Variants in DNAJC7 observed in about 807,000 individuals in gnomAD.
DNAJC7 encodes the protein dnaJ homolog subfamily C member 7.
In DNAJC7, 18 loss-of-function variants were observed where a neutral mutation model predicts 67.4. The ratio of observed to expected loss-of-function variants is 0.27; its 90% CI spans 0.18 to 0.40. The LOEUF (loss-of-function observed/expected upper bound fraction) is 0.40, where lower values mean the gene tolerates loss of function less well. DNAJC7 is among the 10% of genes least tolerant of loss of function. DNAJC7 has a pLI of 1.00. For synonymous variants in DNAJC7, 220 were observed against 207.8 expected (o/e 1.06, Z -0.50); for missense variants, 419 against 613.8 (o/e 0.68, Z 3.35).
chr17:42,015,901 T>C (rs1187668435), intron 1 of DNAJC7: 1 of 152,186 alleles, frequency 6.6e-6, no homozygotes, highest in Non-Finnish European at 1.5e-5. Context: ...ATTTACAGTA[T>C]AAAGAACCAC....
At chr17:41,978,104 A>G (rs1381393259) in intron 12 of DNAJC7, among the ~76,000 whole-genome samples, 1 of 152,198 alleles carries the variant, frequency 6.6e-6, no homozygotes, top group East Asian at 1.9e-4. Context: ...TGGTTCAAGT[A>G]ACTTGCCCAC....
chr17:41,986,225 G>A (rs2051375290), intron 9 of DNAJC7, among the ~76,000 whole-genome samples: 1 of 151,928 alleles, frequency 6.6e-6, no homozygotes, highest in African/African-American at 2.4e-5. Context: ...AATTTGCTGG[G>A]TGTGGTGACA....
At position 41,981,928 on chromosome 17, in the gene DNAJC7, G is replaced by A. The variant is rs1555646033; in HGVS notation, c.1311C>T (p.Ile437=). Residue 437 remains isoleucine (I), a synonymous_variant, in exon 12 of 14, where the codon ATC becomes ATT. Coordinates refer to ENST00000457167, the MANE Select transcript of DNAJC7 (RefSeq NM_003315.4). The stretch of plus-strand genomic sequence containing the variant: ...GAGTCTTTTTCTTGGGATCAGAGAG[G>A]ATAGTAAAGGCCTCTCCAACTTCCT... ...KFKEVGEAFT[I]LSDPKKKTRY... The A allele has an allele frequency of 6.2e-7, 1 of 1,613,972 alleles. No homozygotes were observed. The highest frequency in any genetic ancestry group is 1.1e-5 in the South Asian group (1 of 91,084).
At chr17:41,995,853 G>A (rs1465873316) in intron 4 of DNAJC7, among the ~76,000 whole-genome samples, 1 of 152,130 alleles carries the variant, frequency 6.6e-6, no homozygotes, top group Admixed American at 6.5e-5. Context: ...TGTTGCCCGG[G>A]CTATAGTGCA....
intron 5 of DNAJC7, among the ~76,000 whole-genome samples, chr17:41,990,843 T>G (rs2051495515): frequency 6.6e-6 from 1 of 151,940 alleles, no homozygotes; most frequent in African/African-American, 2.4e-5. Context: ...AATTTTTTTT[T>G]GTATTTTTAG....
intron 5 of DNAJC7, among the ~76,000 whole-genome samples, chr17:41,990,786 C>T (rs1009538883): frequency 3.3e-5 from 5 of 151,956 alleles, no homozygotes; most frequent in Admixed American, 2.6e-4. Context: ...CCTGCCTCAG[C>T]CTCCCGAGTA....
At chr17:42,005,970 C>CA (rs1243225395) in intron 1 of DNAJC7, among the ~76,000 whole-genome samples, 1 of 149,664 alleles carries the variant, frequency 6.7e-6, no homozygotes, top group Non-Finnish European at 1.5e-5. Flanking sequence ...TTTTGAGACA[C>CA]AGTCTGACTG....
intron 5 of DNAJC7, among the ~76,000 whole-genome samples, chr17:41,993,320 G>A (rs573700077): frequency 3.3e-5 from 5 of 152,228 alleles, no homozygotes; most frequent in South Asian, 2.1e-4. Context: ...TTAGCTGGGC[G>A]TGGTGGTGGC....
intron 1 of DNAJC7, among the ~76,000 whole-genome samples, chr17:42,007,108 AAAAAAG>A (rs1421697544): frequency 6.6e-6 from 1 of 152,046 alleles, no homozygotes; most frequent in Non-Finnish European, 1.5e-5. Context: ...TCTCAAAAAA[AAAAAAG>A]AAAAAGAAAA....
intron 1 of DNAJC7, among the ~76,000 whole-genome samples, chr17:42,008,705 G>A (rs1456688563): frequency 5.3e-5 from 8 of 151,390 alleles, no homozygotes; most frequent in Non-Finnish European, 7.4e-5. Flanking sequence ...CCACCGCGCC[G>A]GGTCAGACAT....
chr17:41,993,513 T>C (rs1186332457), intron 5 of DNAJC7, among the ~76,000 whole-genome samples: 2 of 152,070 alleles, frequency 1.3e-5, no homozygotes, highest in Non-Finnish European at 2.9e-5. Context: ...GAGCACATGC[T>C]ACAAAAAGTA....
intron 2 of DNAJC7, among the ~76,000 whole-genome samples, chr17:41,999,542 T>C (rs2051750952): frequency 1.3e-5 from 2 of 151,538 alleles, no homozygotes; most frequent in Non-Finnish European, 2.9e-5. Flanking sequence ...ATTTTTGAGA[T>C]GGAGTTCTTT....
chr17:42,009,223 A>C (rs2052053538), intron 1 of DNAJC7, among the ~76,000 whole-genome samples: 1 of 152,226 alleles, frequency 6.6e-6, no homozygotes. Context: ...CCGCTAATAA[A>C]GAGAAGGCAG....
At chr17:41,993,735 A>G (rs1332831243) in intron 5 of DNAJC7, among the ~76,000 whole-genome samples, 6 of 152,046 alleles carry the variant, frequency 3.9e-5, no homozygotes, top group Admixed American at 2.6e-4. Context: ...TGCGAGGTCT[A>G]GAAAGATATC....
intron 1 of DNAJC7, among the ~76,000 whole-genome samples, chr17:42,008,566 C>T (rs903630148): frequency 2.0e-5 from 3 of 151,384 alleles, no homozygotes; most frequent in Admixed American, 6.6e-5. Flanking sequence ...CCTGCCACCA[C>T]GCCCAGCTAA....
intron 10 of DNAJC7, among the ~76,000 whole-genome samples, chr17:41,983,276 C>T (rs2051296730): frequency 6.6e-6 from 1 of 152,138 alleles, no homozygotes; most frequent in South Asian, 2.1e-4. Flanking sequence ...AGGCGTATAC[C>T]ACCATACCCA....
intron 1 of DNAJC7, chr17:42,015,162 T>G (rs1292403735): frequency 4.0e-5 from 6 of 151,662 alleles, no homozygotes; most frequent in Admixed American, 1.3e-4. Context: ...GTATTTTTAG[T>G]AGAGACAGGG....
rs2051091087 is a variant in DNAJC7 at position 41,976,726 on chromosome 17, C to T, written c.*7G>A. ...GCATTTTCTGGGTTCTGGGTGGTTG[C>T]CCTTCATTAGCCAAATTGAAAAAAG... On this transcript the variant is annotated 3_prime_UTR_variant, in exon 14 of 14. Transcript: ENST00000457167. The T allele has an allele frequency of 6.2e-7, 1 of 1,610,134 alleles. No homozygotes were observed. Among genetic ancestry groups the T allele is most frequent in the Non-Finnish European group, 8.5e-7 (1 of 1,179,228 alleles).
intron 12 of DNAJC7, among the ~76,000 whole-genome samples, chr17:41,980,330 G>T (rs553251732): frequency 6.6e-6 from 1 of 151,740 alleles, no homozygotes; most frequent in Non-Finnish European, 1.5e-5. Flanking sequence ...TTACAGGCGT[G>T]AGCCACCATG....
Sources: allele counts gnomAD v4.1 joint callset (sites outside exome capture counted in the v4.1 genomes callset), GRCh38; gene constraint gnomAD v4.1.1; transcripts MANE v1.5; gene names NCBI Gene and HGNC (gene_info 2026-07-23, HGNC 2026-07-21).